MYLK: variants seen among roughly 807,000 people sequenced by gnomAD.
The protein encoded by MYLK is myosin light chain kinase.
In MYLK, 106 loss-of-function variants were observed where a neutral mutation model predicts 203.4. The observed-to-expected ratio is 0.52, with a 90% CI of 0.45 to 0.61. The LOEUF is 0.61. Among genes scored for constraint, MYLK ranks in the 20% least tolerant of loss-of-function variants. The pLI is 0.00. For synonymous variants in MYLK, 867 were observed against 959.5 expected, an observed-to-expected ratio of 0.90 and a Z score of 1.78; for missense variants, 2,072 against 2,442.3, an observed-to-expected ratio of 0.85 and a Z score of 3.20.
intron 31 of MYLK, chr3:123,624,023 CAAG>C (rs2058009704): frequency 1.3e-5 from 2 of 151,796 alleles, no homozygotes; most frequent in Non-Finnish European, 2.9e-5. Context: ...ATGCCGTAAA[CAAG>C]AAGAAAAAAA....
intron 11 of MYLK, among the ~76,000 whole-genome samples, chr3:123,730,297 G>T (rs1366348788): frequency 3.3e-5 from 5 of 152,198 alleles, no homozygotes; most frequent in African/African-American, 1.2e-4. Context: ...TGGAAAAACT[G>T]CAACACTTGT....
At chr3:123,845,971 C>T (rs7634655) in intron 2 of MYLK, among the ~76,000 whole-genome samples, 130,223 of 152,234 alleles carry the variant, frequency 0.86, 56,085 homozygotes, top group East Asian at 0.96. Flanking sequence ...TCTATTACAT[C>T]ACCATGGTAC....
At chr3:123,652,400 G>A (rs948873739) in intron 24 of MYLK, among the ~76,000 whole-genome samples, 3 of 152,168 alleles carry the variant, frequency 2.0e-5, no homozygotes, top group African/African-American at 4.8e-5. Flanking sequence ...TGAGAGTCTC[G>A]TTACCCTGGA....
At chr3:123,772,753 T>C (rs1007448800) in intron 4 of MYLK, among the ~76,000 whole-genome samples, 1 of 151,994 alleles carries the variant, frequency 6.6e-6, no homozygotes, top group Non-Finnish European at 1.5e-5. Context: ...TAGCCAAACA[T>C]ATAAAAATGT....
intron 9 of MYLK, 31 bp from the exon 10 acceptor site, chr3:123,734,253 G>T: frequency 2.8e-6 from 4 of 1,415,794 alleles, no homozygotes; most frequent in Non-Finnish European, 2.8e-6. Flanking sequence ...GGGTAGGGTG[G>T]GTGAGGAGAG....
chr3:123,618,780 A>T lies in MYLK; in HGVS notation c.5369-10T>A. 6.2e-7 allele frequency: 1 copy of T among 1,614,018 alleles called. No homozygotes were observed. Among genetic ancestry groups the T allele is most frequent in the Non-Finnish European group, 8.5e-7 (1 of 1,179,950 alleles). On this transcript the variant is annotated splice_polypyrimidine_tract_variant and intron_variant, in intron 32 of 33. Coordinates refer to ENST00000360304, the MANE Select transcript of MYLK (RefSeq NM_053025.4). ...GCTTGGGACACATCTTCTAGAAGAC[A>T]GAGAAGAAGACCAGGTCATTTCTTC... is the stretch of plus-strand genomic sequence containing the variant.
In MYLK at chr3:123,701,236, G is replaced by T. The variant is rs1296880354; in HGVS notation, c.2462+202C>A. Among the ~76,000 whole-genome samples, 12 of 19,300 alleles carry T rather than the reference G, an allele frequency of 6.2e-4. 1 individual carries two copies. The highest frequency in any genetic ancestry group is 8.2e-4 in the African/African-American group (12 of 14,666). 12.7% of individuals were successfully genotyped at this position (19,300 alleles called of 152,430 possible). A position where few individuals can be genotyped will look rare whatever the true frequency, so the allele number is the denominator to read the frequency against. ...CTTCAGTAGCCTTATAAGGGTGTGT[G>T]CAAAAAAAAAAAAAAAAAAAATCAC... On this transcript the variant is annotated intron_variant, in intron 17 of 33. Coordinates refer to ENST00000360304, the MANE Select transcript of MYLK (RefSeq NM_053025.4).
intron 2 of MYLK, among the ~76,000 whole-genome samples, chr3:123,874,782 T>C (rs2033040028): frequency 6.6e-6 from 1 of 152,000 alleles, no homozygotes; most frequent in Non-Finnish European, 1.5e-5. Context: ...AGCTCTCAAA[T>C]CTAAATCATA....
intron 20 of MYLK, among the ~76,000 whole-genome samples, chr3:123,677,744 T>G (rs1110009): frequency 3.9e-5 from 6 of 151,976 alleles, no homozygotes; most frequent in South Asian, 2.1e-4. Flanking sequence ...ATGTCAAATT[T>G]ACTCTTTGAT....
At chr3:123,670,382 G>C (rs1444921209) in intron 20 of MYLK, among the ~76,000 whole-genome samples, 1 of 152,146 alleles carries the variant, frequency 6.6e-6, no homozygotes, top group Non-Finnish European at 1.5e-5. Flanking sequence ...TGAGAATCAG[G>C]GTGATGTTTG....
chr3:123,689,189 G>A (rs1011153508), intron 19 of MYLK, among the ~76,000 whole-genome samples: 2 of 152,204 alleles, frequency 1.3e-5, no homozygotes, highest in African/African-American at 4.8e-5. Flanking sequence ...GGCCAGGGTG[G>A]CTGGGGACAG....
chr3:123,764,177 GTTCTGTTTCCTGCAGTC>G (rs1395810698), intron 4 of MYLK, among the ~76,000 whole-genome samples: 2 of 152,146 alleles, frequency 1.3e-5, no homozygotes, highest in Non-Finnish European at 2.9e-5. Flanking sequence ...CTTCTTTGAA[GTTCTGTTTCCTGCAGTC>G]TTCTGTTTCT....
intron 18 of MYLK, among the ~76,000 whole-genome samples, chr3:123,699,235 T>C (rs897797149): frequency 6.6e-6 from 1 of 151,386 alleles, no homozygotes; most frequent in African/African-American, 2.4e-5. Context: ...CCAGAGAAAA[T>C]ACTCCTGTGT....
chr3:123,671,998 G>A (rs570174104), intron 20 of MYLK, among the ~76,000 whole-genome samples: 3 of 152,168 alleles, frequency 2.0e-5, no homozygotes, highest in South Asian at 2.1e-4. Flanking sequence ...GAGGAGCTAC[G>A]TGGAGGGCTG....
intron 2 of MYLK, among the ~76,000 whole-genome samples, chr3:123,866,607 T>G (rs1438857708): frequency 2.0e-5 from 3 of 151,952 alleles, no homozygotes; most frequent in African/African-American, 7.3e-5. Flanking sequence ...GAGGTTGAAA[T>G]TTTAGAGAGG....
chr3:123,767,840 GT>G (rs1254020608), intron 4 of MYLK, among the ~76,000 whole-genome samples: 2 of 152,198 alleles, frequency 1.3e-5, no homozygotes, highest in Non-Finnish European at 2.9e-5. Flanking sequence ...GAGAGGCCTG[GT>G]GGCCCTTGAG....
In MYLK at chr3:123,770,031, C is replaced by T. The variant is rs1163937238; in HGVS notation, c.166-17493G>A. Among the ~76,000 whole-genome samples the T allele has an allele frequency of 4.6e-5, 7 of 152,126 alleles. No homozygotes were observed. In the East Asian group the frequency reaches 1.2e-3, roughly 25 times the overall value. ...AATGTTCTAAAAGAACAAAGTCAGG[C>T]CGGGTGCAGTGGCTCATGCCTGTAA... On this transcript the variant is annotated intron_variant, in intron 4 of 33. Transcript: ENST00000360304.
rs547671725 is a variant in MYLK, at chr3:123,635,299, T to C, written c.4961+2772A>G. On this transcript the variant is annotated intron_variant, in intron 29 of 33. Coordinates refer to ENST00000360304, the MANE Select transcript of MYLK (RefSeq NM_053025.4). ...CCAGCAGTGGCTCCAGAGTTCTGCA[T>C]AGCAGGCGCTTAAAGGAAACCATCT... is the stretch of plus-strand genomic sequence containing the variant. 8.5e-5 allele frequency among the ~76,000 whole-genome samples: 13 copies of C among 152,356 alleles called. No individual in the cohort carries two copies. The South Asian group carries it at 2.7e-3, about 32-fold the overall frequency.
intron 1 of MYLK, among the ~76,000 whole-genome samples, chr3:123,877,546 A>G (rs910692475): frequency 6.6e-6 from 1 of 152,234 alleles, no homozygotes; most frequent in African/African-American, 2.4e-5. Flanking sequence ...CCCAATCACA[A>G]TAAGAAGCCT....
Sources: gnomAD v4.1 joint callset for allele counts (sites outside exome capture counted in the v4.1 genomes callset) on GRCh38, gnomAD v4.1.1 for gene constraint, MANE v1.5 for transcripts, NCBI Gene and HGNC (gene_info 2026-07-23, HGNC 2026-07-21) for gene names.